Variants in SGF29 observed in about 807,000 individuals in gnomAD.
The protein encoded by SGF29 is SAGA-associated factor 29.
Under a neutral mutation model 38.1 loss-of-function variants are expected in SGF29, and 15 were observed. That is an observed-to-expected ratio of 0.39 (90% confidence interval 0.26 to 0.61). SGF29 has a LOEUF of 0.61. SGF29 is among the 20% of genes least tolerant of loss of function. SGF29 has a pLI of 0.49. For missense variants in SGF29, 184 were observed against 394.6 expected, an observed-to-expected ratio of 0.47 and a Z score of 4.52; for synonymous variants, 151 against 160.8, an observed-to-expected ratio of 0.94 and a Z score of 0.46.
rs192601993 is a variant in SGF29 at position 28,582,380 on chromosome 16, G to T, written c.75+1236G>T. 6.6e-3 allele frequency among the ~76,000 whole-genome samples: 489 copies of T among 73,774 alleles called. 4 individuals carry two copies. Among genetic ancestry groups the T allele is most frequent in the African/African-American group, 0.019 (475 of 24,726 alleles). 48.4% of individuals were successfully genotyped at this position (73,774 alleles called of 152,430 possible). ...GAACTCTTCTGCAGGGTACCATGAT[G>T]GGGGGCACGCAACATGATGCGTTGT... On this transcript the variant is annotated intron_variant, in intron 2 of 9. Coordinates refer to ENST00000317058, the MANE Select transcript of SGF29 (RefSeq NM_138414.3).
chr16:28,580,788 C>G (rs2046920526), intron 1 of SGF29, among the ~76,000 whole-genome samples: 2 of 152,158 alleles, frequency 1.3e-5, no homozygotes, highest in African/African-American at 4.8e-5. Context: ...GCCTAGCGAT[C>G]CACTCACCTT....
At chr16:28,558,424 G>T (rs2151640703) in intron 1 of SGF29, among the ~76,000 whole-genome samples, 1 of 151,930 alleles carries the variant, frequency 6.6e-6, no homozygotes, top group Admixed American at 6.6e-5. Context: ...GCACACCTGG[G>T]TACTTTTTAT....
At chr16:28,557,462 C>G (rs922295955) in intron 1 of SGF29, among the ~76,000 whole-genome samples, 1 of 152,226 alleles carries the variant, frequency 6.6e-6, no homozygotes, top group South Asian at 2.1e-4. Flanking sequence ...CATCTGTATC[C>G]ATTGTGACAT....
chr16:28,590,572 C>T lies in SGF29; in HGVS notation c.567-59C>T. The T allele has an allele frequency of 1.2e-6, 2 of 1,612,568 alleles. No individual in the cohort carries two copies. The highest frequency in any genetic ancestry group is 2.2e-5 in the South Asian group (2 of 91,034). On this transcript the variant is annotated intron_variant, in intron 7 of 9. Transcript: ENST00000317058. The surrounding 1 kb of genome is among the most constrained non-coding windows in gnomAD (Gnocchi z 8.2). ...AGCACCAGGTCCTCCCCCATCCTCA[C>T]TCCCCAACAGGTACTGCGCCCCTGG...
At chr16:28,561,387 G>A (rs1339725153) in intron 1 of SGF29, among the ~76,000 whole-genome samples, 1 of 152,140 alleles carries the variant, frequency 6.6e-6, no homozygotes, top group Admixed American at 6.5e-5. Context: ...ACAAAAATTA[G>A]CTGGGTGCGG....
chr16:28,582,319 G>A (rs1383175170), intron 2 of SGF29, among the ~76,000 whole-genome samples: 2 of 152,170 alleles, frequency 1.3e-5, no homozygotes, highest in African/African-American at 2.4e-5. Context: ...GGATGAAAGG[G>A]ATGGATAGGT....
At chr16:28,555,406 G>A (rs2046743910) in intron 1 of SGF29, among the ~76,000 whole-genome samples, 1 of 152,320 alleles carries the variant, frequency 6.6e-6, no homozygotes, top group African/African-American at 2.4e-5. Context: ...AACCCAGGAG[G>A]TGGATGCTGC....
In SGF29 at chr16:28,584,883, C is replaced by T. The variant is rs558386361; in HGVS notation, c.76-30C>T. The T allele has an allele frequency of 1.1e-5, 18 of 1,588,704 alleles. No individual in the cohort carries two copies. The South Asian group carries it at 1.2e-4, about 11-fold the overall frequency. ...GTACCACAGCAGCACAAAGGGCCAC[C>T]GTCATGTCCTGCTGCTCTTTTCCTT... On this transcript the variant is annotated intron_variant, in intron 2 of 9. Coordinates refer to ENST00000317058, the MANE Select transcript of SGF29 (RefSeq NM_138414.3).
chr16:28,587,112 C>T (rs945119248), intron 4 of SGF29, among the ~76,000 whole-genome samples: 2 of 152,188 alleles, frequency 1.3e-5, no homozygotes, highest in East Asian at 3.9e-4. Context: ...TCCCAAAGTG[C>T]TGGGATTACA....
chr16:28,576,755 A>G (rs1302392554), intron 1 of SGF29, among the ~76,000 whole-genome samples: 3 of 152,216 alleles, frequency 2.0e-5, no homozygotes, highest in Non-Finnish European at 4.4e-5. Flanking sequence ...CAACGCTCAT[A>G]GCAGCATTAT....
At chr16:28,571,958 A>G (rs1567288392) in intron 1 of SGF29, among the ~76,000 whole-genome samples, 1 of 152,190 alleles carries the variant, frequency 6.6e-6, no homozygotes, top group Admixed American at 6.5e-5. Flanking sequence ...GCTGGCTAGA[A>G]GGCCAGTTTC....
intron 1 of SGF29, among the ~76,000 whole-genome samples, chr16:28,572,278 T>C (rs1422499350): frequency 2.2e-5 from 3 of 135,100 alleles, no homozygotes; most frequent in African/African-American, 8.6e-5. Context: ...GCCCGGCCCT[T>C]TTGTATTTTT....
intron 3 of SGF29, 145 bp downstream of exon 3, chr16:28,585,133 C>T (rs190521185): frequency 1.6e-4 from 100 of 626,056 alleles, no homozygotes; most frequent in African/African-American, 1.5e-3. Context: ...GACAGCTTTC[C>T]GTTAATCTGG....
chr16:28,559,463 A>T (rs1415539675), intron 1 of SGF29, among the ~76,000 whole-genome samples: 1 of 152,136 alleles, frequency 6.6e-6, no homozygotes, highest in Non-Finnish European at 1.5e-5. Flanking sequence ...GGCTCACTTT[A>T]ACCTCCGCCT....
chr16:28,572,547 G>A (rs538334550), intron 1 of SGF29, among the ~76,000 whole-genome samples: 1 of 152,320 alleles, frequency 6.6e-6, no homozygotes, highest in East Asian at 1.9e-4. Flanking sequence ...GGTATTACAG[G>A]CGTGAGCCAC....
intron 1 of SGF29, among the ~76,000 whole-genome samples, chr16:28,577,651 GTC>G: frequency 6.6e-6 from 1 of 152,172 alleles, no homozygotes; most frequent in South Asian, 2.1e-4. Flanking sequence ...CCCAACTCTT[GTC>G]TCTTTTTTAT....
chr16:28,576,613 T>C (rs1215777399), intron 1 of SGF29, among the ~76,000 whole-genome samples: 1 of 151,354 alleles, frequency 6.6e-6, no homozygotes, highest in Admixed American at 6.6e-5. Context: ...GGCAGGAGAA[T>C]TGCTTGAACG....
intron 1 of SGF29, among the ~76,000 whole-genome samples, chr16:28,562,177 C>T (rs951788740): frequency 6.6e-6 from 1 of 152,200 alleles, no homozygotes; most frequent in Admixed American, 6.6e-5. Flanking sequence ...AGTGTAACAG[C>T]AGACCCCTGG....
chr16:28,585,705 CA>C lies in SGF29; in HGVS notation c.210del (p.Glu71ArgfsTer49). The C allele has an allele frequency of 6.2e-7, 1 of 1,614,200 alleles. No homozygotes were observed. The highest frequency in any genetic ancestry group is 8.5e-7 in the Non-Finnish European group (1 of 1,179,994). ...RGLYTTAKAD[A>X]EAECNILRKA... ...CTCTACACAACCGCCAAGGCCGATGCAGAGGCTGAGTGCAAGTGAGTACCGT... is the reference window on the plus strand; with the variant it reads ...CTCTACACAACCGCCAAGGCCGATGCGAGGCTGAGTGCAAGTGAGTACCGT... On this transcript the variant is annotated frameshift_variant, in exon 4 of 10. Coordinates refer to ENST00000317058, the MANE Select transcript of SGF29 (RefSeq NM_138414.3). LOFTEE classifies it high-confidence loss of function.
Sources: gnomAD v4.1 joint callset for allele counts (sites outside exome capture counted in the v4.1 genomes callset) on GRCh38, gnomAD v4.1.1 for gene constraint, Gnocchi (gnomAD v3.1) non-coding constraint, MANE v1.5 for transcripts, NCBI Gene and HGNC (gene_info 2026-07-23, HGNC 2026-07-21) for gene names.